The following FOXK1 variants were observed in gnomAD, a reference collection of about 807,000 sequenced individuals.
FOXK1 encodes the protein forkhead box K1.
In FOXK1, 19 loss-of-function variants were observed where a neutral mutation model predicts 51.9. That is an observed-to-expected ratio of 0.37 (90% confidence interval 0.26 to 0.54). FOXK1 has a LOEUF of 0.54. FOXK1 is among the 20% of genes least tolerant of loss of function. The pLI is 0.87. For missense variants in FOXK1, 870 were observed against 1,032.7 expected (o/e 0.84, Z 2.16); for synonymous variants, 537 against 482.6 (o/e 1.11, Z -1.48).
chr7:4,741,553 A>G (rs1287893786), intron 2 of FOXK1, among the ~76,000 whole-genome samples: 4 of 151,866 alleles, frequency 2.6e-5, no homozygotes, highest in African/African-American at 4.8e-5. Flanking sequence ...CTGGTCTCGA[A>G]CTCCCAACCT....
chr7:4,690,884 C>T (rs1280594315), intron 1 of FOXK1, among the ~76,000 whole-genome samples: 2 of 152,152 alleles, frequency 1.3e-5, no homozygotes, highest in Non-Finnish European at 2.9e-5. Context: ...TGCAGCAATG[C>T]CTCATTTCCA....
Position 4,730,758 on chromosome 7 carries a change from T to C in FOXK1, c.561-10080T>C, listed in dbSNP as rs1330913449. On this transcript the variant is annotated intron_variant, in intron 1 of 8. Transcript: ENST00000328914. This position sits in a 1 kb window ranked among gnomAD's most constrained non-coding sequence, Gnocchi z 4.7. ...CAGCCACCTGTGTTCGTTTTGGGGT[T>C]GTCATAAATAAATGCCTTCCATTTT... Among the ~76,000 whole-genome samples, 3 of 152,232 alleles carry C rather than the reference T, an allele frequency of 2.0e-5. No homozygotes were observed. The highest frequency in any genetic ancestry group is 1.3e-4 in the Admixed American group (2 of 15,280).
chr7:4,691,712 G>C (rs1009815500), intron 1 of FOXK1, among the ~76,000 whole-genome samples: 38 of 152,166 alleles, frequency 2.5e-4, no homozygotes, highest in African/African-American at 8.9e-4. Flanking sequence ...TGGGAAAGGG[G>C]TGAACTGTCT....
chr7:4,706,205 A>C (rs965092304), intron 1 of FOXK1, among the ~76,000 whole-genome samples: 1 of 152,044 alleles, frequency 6.6e-6, no homozygotes, highest in African/African-American at 2.4e-5. Context: ...TTTCCATTTA[A>C]AGAGATCTAT....
chr7:4,712,541 C>T (rs978665486), intron 1 of FOXK1, among the ~76,000 whole-genome samples: 1 of 152,154 alleles, frequency 6.6e-6, no homozygotes, highest in Admixed American at 6.6e-5. Flanking sequence ...TCCTGCCCCG[C>T]GCGCTTATTT....
rs922229021 is a variant in FOXK1 at position 4,711,337 on chromosome 7, G to A, written c.560+28469G>A. 3.3e-5 allele frequency among the ~76,000 whole-genome samples: 5 copies of A among 152,178 alleles called. No individual in the cohort carries two copies. Among genetic ancestry groups the A allele is most frequent in the East Asian group, 3.9e-4 (2 of 5,184 alleles). On this transcript the variant is annotated intron_variant, in intron 1 of 8. Transcript: ENST00000328914. This position sits in a 1 kb window ranked among gnomAD's most constrained non-coding sequence, Gnocchi z 6.3. ...GGAGGCTGGGCGCAGTAATAAACACGCCCAGAGTGGAAGGGCTTCCTGTGA... is the reference window on the plus strand; with the variant it reads ...GGAGGCTGGGCGCAGTAATAAACACACCCAGAGTGGAAGGGCTTCCTGTGA...
At chr7:4,684,583 A>G (rs149030526) in intron 1 of FOXK1, among the ~76,000 whole-genome samples, 2 of 152,036 alleles carry the variant, frequency 1.3e-5, no homozygotes, top group African/African-American at 4.8e-5. Context: ...TCCATAACCA[A>G]TACACTCTCT....
At chr7:4,736,115 C>T (rs1780549375) in intron 1 of FOXK1, among the ~76,000 whole-genome samples, 1 of 152,176 alleles carries the variant, frequency 6.6e-6, no homozygotes, top group South Asian at 2.1e-4. Context: ...CACCACTGCA[C>T]TCCAGCCTGA....
chr7:4,742,970 C>T (rs551855215), intron 2 of FOXK1, among the ~76,000 whole-genome samples: 1 of 152,186 alleles, frequency 6.6e-6, no homozygotes. Context: ...AAAGGAGAGG[C>T]CCCGGGCTCA....
chr7:4,689,082 AT>A (rs1217580930), intron 1 of FOXK1, among the ~76,000 whole-genome samples: 2 of 151,620 alleles, frequency 1.3e-5, no homozygotes, highest in African/African-American at 4.8e-5. Context: ...GGTTCAAGCA[AT>A]TCTCCTGCCT....
chr7:4,735,440 A>G lies in FOXK1; in HGVS notation c.561-5398A>G, dbSNP rs1225743901. 6.6e-6 allele frequency among the ~76,000 whole-genome samples: 1 copy of G among 151,984 alleles called. No homozygotes were observed. Among genetic ancestry groups the G allele is most frequent in the African/African-American group, 2.4e-5 (1 of 41,424 alleles). ...AGCGCATTCGCAGAGTTGCGCGGCC[A>G]CCAAGTCAACTTCGGAACATTTTCC... On this transcript the variant is annotated intron_variant, in intron 1 of 8. Coordinates refer to ENST00000328914, the MANE Select transcript of FOXK1 (RefSeq NM_001037165.2). This position sits in a 1 kb window ranked among gnomAD's most constrained non-coding sequence, Gnocchi z 4.7.
chr7:4,682,677 C>A lies in FOXK1; in HGVS notation c.369C>A (p.Val123=). ...EFEFLMRQPS[V]TIGRNSSQGS... ...AGTTCCTCATGCGCCAGCCCAGCGT[C>A]ACCATCGGCCGCAACTCGTCGCAGG... The change falls in exon 1 of 9, where the codon GTC becomes GTA. Residue 123 remains valine, a synonymous_variant. Transcript: ENST00000328914. This position sits in a 1 kb window ranked among gnomAD's most constrained non-coding sequence, Gnocchi z 7.6. The A allele has an allele frequency of 6.3e-7, 1 of 1,597,132 alleles. No homozygotes were observed. The highest frequency in any genetic ancestry group is 8.5e-7 in the Non-Finnish European group (1 of 1,176,192).
intron 1 of FOXK1, among the ~76,000 whole-genome samples, chr7:4,701,136 C>T (rs967750940): frequency 1.3e-5 from 2 of 152,202 alleles, no homozygotes; most frequent in Non-Finnish European, 2.9e-5. Flanking sequence ...GGAGAACGGG[C>T]TTCCTATCTC....
intron 1 of FOXK1, among the ~76,000 whole-genome samples, chr7:4,714,295 T>C (rs1780208425): frequency 1.3e-5 from 2 of 151,928 alleles, no homozygotes; most frequent in South Asian, 2.1e-4. Flanking sequence ...TCTGTTTGTT[T>C]GTTGAGACAG....
At position 4,740,912 on chromosome 7, in the gene FOXK1, C is replaced by T; in HGVS notation, c.635C>T (p.Ala212Val). The change falls in exon 2 of 9, where the codon GCC (alanine) becomes GTC (valine). Residue 212 changes from alanine to valine, a missense_variant. Coordinates refer to ENST00000328914, the MANE Select transcript of FOXK1 (RefSeq NM_001037165.2). Reference sequence around the variant, plus strand: ...CTCTATCACAAAGAAGAGGCCCCAGCCTCCCCGCTGCGGCCACTGTACCCC... The same window carrying T: ...CTCTATCACAAAGAAGAGGCCCCAGTCTCCCCGCTGCGGCCACTGTACCCC... ...TSLYHKEEAP[A>V]SPLRPLYPQI... The T allele has an allele frequency of 6.3e-7, 1 of 1,588,150 alleles. No individual in the cohort carries two copies. The highest frequency in any genetic ancestry group is 2.4e-5 in the East Asian group (1 of 41,548).
At chr7:4,739,304 C>A (rs963880271) in intron 1 of FOXK1, among the ~76,000 whole-genome samples, 1 of 152,206 alleles carries the variant, frequency 6.6e-6, no homozygotes, top group South Asian at 2.1e-4. Flanking sequence ...TCTTTCTTAA[C>A]CCCCTCCTAC....
Position 4,741,013 on chromosome 7 carries a change from G to A in FOXK1, c.736G>A (p.Gly246Ser). The change falls in exon 2 of 9, where the codon GGC becomes AGC. Residue 246 changes from glycine (G) to serine (S), a missense_variant. Gly to Ser is a moderately conservative substitution (Grantham distance 56). Coordinates refer to ENST00000328914, the MANE Select transcript of FOXK1 (RefSeq NM_001037165.2). ...SMVSPVPSPT[G>S]TISVPNSCPA... ...GGTCAGCCCCGTCCCCTCCCCGACG[G>A]GCACCATCAGGTGAGTAGCCCCCCA... The A allele has an allele frequency of 6.6e-7, 1 of 1,520,908 alleles. No homozygotes were observed. The highest frequency in any genetic ancestry group is 8.7e-7 in the Non-Finnish European group (1 of 1,143,048). The allele number at this position is 1,520,908 out of a possible 1,614,324, so 94.2% of individuals were successfully genotyped here.
At chr7:4,736,416 T>G (rs947159245) in intron 1 of FOXK1, among the ~76,000 whole-genome samples, 1 of 147,216 alleles carries the variant, frequency 6.8e-6, no homozygotes, top group Non-Finnish European at 1.5e-5. Context: ...TCAGTTTTGT[T>G]TTTTTTTTTT....
At chr7:4,702,416 C>T (rs181748126) in intron 1 of FOXK1, among the ~76,000 whole-genome samples, 60 of 152,204 alleles carry the variant, frequency 3.9e-4, no homozygotes, top group African/African-American at 1.2e-4. Context: ...AATCTTGGCT[C>T]GCTGCAACCT....
Sources: allele counts gnomAD v4.1 joint callset (sites outside exome capture counted in the v4.1 genomes callset), GRCh38; gene constraint gnomAD v4.1.1; non-coding constraint Gnocchi (gnomAD v3.1); transcripts MANE v1.5; gene names NCBI Gene and HGNC (gene_info 2026-07-23, HGNC 2026-07-21).